Variants in TP63 observed in about 807,000 individuals in gnomAD.
The protein encoded by TP63 is tumor protein p63.
TP63 carries 17 observed loss-of-function variants against 82.8 expected under a neutral mutation model. The observed-to-expected ratio is 0.21, with a 90% CI of 0.14 to 0.31. The LOEUF (loss-of-function observed/expected upper bound fraction) is 0.31. TP63 is among the 10% of genes least tolerant of loss of function. TP63 has a pLI of 1.00. For synonymous variants in TP63, 330 were observed against 321.7 expected (o/e 1.03, Z -0.28); for missense variants, 648 against 895.3 (o/e 0.72, Z 3.52).
chr3:189,752,383 A>C (rs1721887093), intron 3 of TP63, among the ~76,000 whole-genome samples: 1 of 151,896 alleles, frequency 6.6e-6, no homozygotes, highest in African/African-American at 2.4e-5. Context: ...CACCGTGTTC[A>C]CTGTTCAGAC....
At chr3:189,757,231 G>A (rs1722250180) in intron 3 of TP63, among the ~76,000 whole-genome samples, 1 of 152,160 alleles carries the variant, frequency 6.6e-6, no homozygotes, top group Admixed American at 6.6e-5. Flanking sequence ...AAGAAAACCA[G>A]GGCTACACCC....
At chr3:189,659,577 A>G (rs1713694157) in intron 1 of TP63, among the ~76,000 whole-genome samples, 1 of 152,108 alleles carries the variant, frequency 6.6e-6, no homozygotes, top group African/African-American at 2.4e-5. Flanking sequence ...GTATGTACTC[A>G]GTAATGGAAT....
intron 4 of TP63, among the ~76,000 whole-genome samples, chr3:189,841,003 C>T (rs766669634): frequency 2.0e-5 from 3 of 151,782 alleles, no homozygotes; most frequent in Non-Finnish European, 4.4e-5. Context: ...TATTTATATA[C>T]ATAAGTTTAT....
At chr3:189,682,551 AAAAT>A (rs1490306649) in intron 1 of TP63, among the ~76,000 whole-genome samples, 11 of 30,850 alleles carry the variant, frequency 3.6e-4, no homozygotes, top group African/African-American at 2.1e-3. Flanking sequence ...AAAAAAAAAA[AAAAT>A]ATATATATAT....
At chr3:189,609,889 A>G in the TP63 span, among the ~76,000 whole-genome samples, 1 of 152,190 alleles carries the variant, frequency 6.6e-6, no homozygotes, top group East Asian at 1.9e-4. Context: ...TCCTCTTTGT[A>G]TATACCCAGT....
At chr3:189,771,698 T>G (rs1419563655) in intron 3 of TP63, among the ~76,000 whole-genome samples, 2 of 151,800 alleles carry the variant, frequency 1.3e-5, no homozygotes, top group Admixed American at 6.6e-5. Context: ...TGAATAGTCT[T>G]GTTTGGTTGA....
chr3:189,773,346 G>A (rs1165503321), intron 3 of TP63, among the ~76,000 whole-genome samples: 1 of 152,148 alleles, frequency 6.6e-6, no homozygotes, highest in Non-Finnish European at 1.5e-5. Flanking sequence ...AAAGTCCTTA[G>A]ACAGTAAATC....
intron 3 of TP63, chr3:189,789,969 TC>T: frequency 1.2e-6 from 1 of 859,652 alleles, no homozygotes; most frequent in Non-Finnish European, 1.6e-6. Context: ...TATAGGAATC[TC>T]CTTTTCTTGG....
intron 1 of TP63, among the ~76,000 whole-genome samples, chr3:189,645,957 A>G (rs548559627): frequency 2.7e-5 from 4 of 147,440 alleles, no homozygotes; most frequent in South Asian, 4.4e-4. Context: ...TACTATAAAC[A>G]TATGTATACA....
At chr3:189,810,305 A>G (rs1404640874) in intron 4 of TP63, among the ~76,000 whole-genome samples, 4 of 152,188 alleles carry the variant, frequency 2.6e-5, no homozygotes, top group East Asian at 3.9e-4. Flanking sequence ...GAGCACTGAT[A>G]TCTCTTAGGT....
At chr3:189,600,860 A>G in the TP63 span, among the ~76,000 whole-genome samples, 1 of 152,226 alleles carries the variant, frequency 6.6e-6, no homozygotes, top group Non-Finnish European at 1.5e-5. Context: ...GGAGGTCACC[A>G]CAAATAAATT....
intron 4 of TP63, among the ~76,000 whole-genome samples, chr3:189,833,436 C>T (rs1338436954): frequency 6.6e-6 from 1 of 152,212 alleles, no homozygotes; most frequent in Non-Finnish European, 1.5e-5. Context: ...ACACCTCTTA[C>T]CCAAAGAATG....
At chr3:189,702,285 T>A (rs1216231014) in intron 1 of TP63, among the ~76,000 whole-genome samples, 4 of 152,236 alleles carry the variant, frequency 2.6e-5, no homozygotes, top group Non-Finnish European at 4.4e-5. Flanking sequence ...ACAATGAATC[T>A]CAACTTTCCA....
At chr3:189,604,698 GT>G in the TP63 span, among the ~76,000 whole-genome samples, 2 of 152,148 alleles carry the variant, frequency 1.3e-5, no homozygotes, top group Non-Finnish European at 1.5e-5. Flanking sequence ...TTGAGATTGA[GT>G]TTAGAAAATG....
intron 4 of TP63, among the ~76,000 whole-genome samples, chr3:189,826,276 G>A (rs1286593514): frequency 1.3e-5 from 2 of 152,132 alleles, no homozygotes; most frequent in African/African-American, 4.8e-5. Context: ...CTTAAATGAA[G>A]GTAGGTTGAT....
chr3:189,821,576 GTTATATT>G (rs1199161648), intron 4 of TP63, among the ~76,000 whole-genome samples: 2 of 152,180 alleles, frequency 1.3e-5, no homozygotes, highest in African/African-American at 2.4e-5. Flanking sequence ...AGTGAGAGAG[GTTATATT>G]TTCCTAAGCC....
At chr3:189,725,067 C>G (rs1577307913) in intron 1 of TP63, among the ~76,000 whole-genome samples, 1 of 152,172 alleles carries the variant, frequency 6.6e-6, no homozygotes, top group Non-Finnish European at 1.5e-5. Flanking sequence ...GACTTTACTG[C>G]TAGATACTAT....
chr3:189,747,146 G>A (rs1721442227), intron 3 of TP63, among the ~76,000 whole-genome samples: 2 of 152,052 alleles, frequency 1.3e-5, no homozygotes, highest in Non-Finnish European at 2.9e-5. Flanking sequence ...CTTCAGTACA[G>A]TAATAGTTGG....
chr3:189,881,456 G>A, intron 10 of TP63: 1 of 985,350 alleles, frequency 1.0e-6, no homozygotes, highest in Non-Finnish European at 1.2e-6. Context: ...TTTTGTGGAT[G>A]TGTGATTTTA....
Sources: gnomAD v4.1 joint callset for allele counts (sites outside exome capture counted in the v4.1 genomes callset) on GRCh38, gnomAD v4.1.1 for gene constraint, MANE v1.5 for transcripts, NCBI Gene and HGNC (gene_info 2026-07-23, HGNC 2026-07-21) for gene names.